The following CAPZB variants were observed in gnomAD, a reference collection of about 807,000 sequenced individuals.
The protein encoded by CAPZB is capping actin protein of muscle Z-line subunit beta, also known as F-actin-capping protein subunit beta.
In CAPZB, 2 loss-of-function variants were observed where a neutral mutation model predicts 38.1. The ratio of observed to expected loss-of-function variants is 0.05; its 90% CI spans 0.02 to 0.17. The LOEUF is 0.17. Among genes scored for constraint, CAPZB ranks in the 10% least tolerant of loss-of-function variants. The pLI is 1.00. For synonymous variants in CAPZB, 107 were observed against 127.4 expected, an observed-to-expected ratio of 0.84 and a Z score of 1.08; for missense variants, 161 against 334.2, an observed-to-expected ratio of 0.48 and a Z score of 4.04.
rs185248488 is a variant in CAPZB at position 19,422,662 on chromosome 1, G to A, written c.4-2912C>T. ...TGAGGCAGGAGAATGGCATGAACCC[G>A]GGAGGCAGAGCTTGCAGTGAGCCCA... On this transcript the variant is annotated intron_variant, in intron 1 of 8. Transcript: ENST00000264202. Among the ~76,000 whole-genome samples the A allele has an allele frequency of 6.3e-3, 951 of 151,960 alleles. 7 individuals carry two copies. Among genetic ancestry groups the A allele is most frequent in the African/African-American group, 0.021 (851 of 41,414 alleles).
rs151067889 is a variant in CAPZB, at chr1:19,365,597, G to A, written c.330-8034C>T. Among the ~76,000 whole-genome samples the A allele has an allele frequency of 2.0e-3, 297 of 152,110 alleles. 1 individual carries two copies. Among genetic ancestry groups the A allele is most frequent in the African/African-American group, 6.6e-3 (275 of 41,512 alleles). On this transcript the variant is annotated intron_variant, in intron 4 of 8. Transcript: ENST00000264202. ...TGTAATCCCAGCATTTAGGGAGGCC[G>A]AGACGGGCAGATCACCTGAGGTCAG...
intron 3 of CAPZB, among the ~76,000 whole-genome samples, chr1:19,382,058 T>G (rs1558206168): frequency 6.6e-6 from 1 of 152,030 alleles, no homozygotes; most frequent in Non-Finnish European, 1.5e-5. Context: ...CACAGTTCGA[T>G]GACAGCCATC....
intron 4 of CAPZB, among the ~76,000 whole-genome samples, chr1:19,358,414 A>G (rs2100324376): frequency 6.6e-6 from 1 of 152,372 alleles, no homozygotes; most frequent in East Asian, 1.9e-4. Context: ...CTGGGATTAC[A>G]GGCATGAGCC....
At chr1:19,343,739 C>T (rs1320107249) in intron 8 of CAPZB, among the ~76,000 whole-genome samples, 3 of 152,220 alleles carry the variant, frequency 2.0e-5, no homozygotes, top group African/African-American at 4.8e-5. Flanking sequence ...CAGAGAGCGC[C>T]CGGCTTTTGT....
In CAPZB at chr1:19,375,768, G is replaced by A. The variant is rs112482521; in HGVS notation, c.329+2772C>T. 3.3e-5 allele frequency among the ~76,000 whole-genome samples: 5 copies of A among 152,300 alleles called. No individual in the cohort carries two copies. In the East Asian group the frequency reaches 5.8e-4, roughly 18 times the overall value. On this transcript the variant is annotated intron_variant, in intron 4 of 8. Coordinates refer to ENST00000264202, the MANE Select transcript of CAPZB (RefSeq NM_004930.5). ...GAGTGAGGCCTTAGCTATGACTCCC[G>A]GCTCCTGTGGTTTTCTAGCTGTGTT...
At chr1:19,452,331 C>A (rs1032296844) in intron 1 of CAPZB, among the ~76,000 whole-genome samples, 8 of 152,232 alleles carry the variant, frequency 5.3e-5, no homozygotes, top group African/African-American at 1.9e-4. Flanking sequence ...TTGATCATTG[C>A]CCCCACTGGG....
At chr1:19,482,911 G>A (rs1014820872) in intron 1 of CAPZB, among the ~76,000 whole-genome samples, 12 of 152,236 alleles carry the variant, frequency 7.9e-5, no homozygotes, top group African/African-American at 2.9e-4. Context: ...TAAGCAGTCA[G>A]AAATTACAAG....
chr1:19,484,385 G>T, intron 1 of CAPZB: 1 of 1,534,176 alleles, frequency 6.5e-7, no homozygotes. Context: ...ACCCATCCTC[G>T]CCCCTCGGCT....
chr1:19,353,163 G>C (rs964939796), intron 6 of CAPZB, among the ~76,000 whole-genome samples: 1 of 152,238 alleles, frequency 6.6e-6, no homozygotes, highest in African/African-American at 2.4e-5. Flanking sequence ...GGACCCATGG[G>C]GCCTTGCTGA....
chr1:19,356,686 G>A lies in CAPZB; in HGVS notation c.537C>T (p.Thr179=), dbSNP rs2094022701. 6.2e-7 allele frequency: 1 copy of A among 1,613,906 alleles called. No homozygotes were observed. Among genetic ancestry groups the A allele is most frequent in the Admixed American group, 1.7e-5 (1 of 59,988 alleles). ...LTSTVMLWLQ[T]NKSGSGTMNL... ...TCATGGTGCCAGAGCCAGATTTGTTGGTCTGCAGCCACAGCATCACCGTGG... is the reference window on the plus strand; with the variant it reads ...TCATGGTGCCAGAGCCAGATTTGTTAGTCTGCAGCCACAGCATCACCGTGG... The change falls in exon 6 of 9, where the codon ACC becomes ACT. Residue 179 remains threonine, a synonymous_variant. Coordinates refer to ENST00000264202, the MANE Select transcript of CAPZB (RefSeq NM_004930.5). This position sits in a 1 kb window ranked among gnomAD's most constrained non-coding sequence, Gnocchi z 4.3.
intron 2 of CAPZB, among the ~76,000 whole-genome samples, chr1:19,406,546 G>T (rs1253305519): frequency 6.6e-6 from 1 of 152,144 alleles, no homozygotes; most frequent in Admixed American, 6.5e-5. Flanking sequence ...GCAGTGACAA[G>T]GAGAAAGCTA....
intron 2 of CAPZB, among the ~76,000 whole-genome samples, chr1:19,395,356 T>A (rs2094261272): frequency 6.6e-6 from 1 of 152,136 alleles, no homozygotes; most frequent in Non-Finnish European, 1.5e-5. Flanking sequence ...CAGGAAACGG[T>A]AAGTCCCCTC....
chr1:19,364,917 G>C (rs1198310177), intron 4 of CAPZB, among the ~76,000 whole-genome samples: 2 of 151,788 alleles, frequency 1.3e-5, no homozygotes, highest in Admixed American at 1.3e-4. Flanking sequence ...CATGACCATG[G>C]CTCATTGCAG....
chr1:19,427,353 G>A (rs11583187), intron 1 of CAPZB, among the ~76,000 whole-genome samples: 19,382 of 152,166 alleles, frequency 0.13, 1,346 homozygotes, highest in Admixed American at 0.2. Flanking sequence ...ACCTTCACTC[G>A]TTTACATTCC....
At chr1:19,467,151 G>A (rs1174151656) in intron 1 of CAPZB, among the ~76,000 whole-genome samples, 1 of 152,078 alleles carries the variant, frequency 6.6e-6, no homozygotes, top group Non-Finnish European at 1.5e-5. Flanking sequence ...GCCTCCCGAA[G>A]TGCTGAGATC....
chr1:19,372,223 C>G (rs1205213721), intron 4 of CAPZB, among the ~76,000 whole-genome samples: 2 of 152,238 alleles, frequency 1.3e-5, no homozygotes, highest in Non-Finnish European at 1.5e-5. Flanking sequence ...GCTTTGATTT[C>G]AATCAATTGC....
intron 6 of CAPZB, among the ~76,000 whole-genome samples, chr1:19,350,710 G>A (rs2093987000): frequency 6.6e-6 from 1 of 152,116 alleles, no homozygotes; most frequent in Non-Finnish European, 1.5e-5. Flanking sequence ...GGCCTCCCAG[G>A]TTCAGGCCAT....
At chr1:19,366,069 C>A (rs2094083046) in intron 4 of CAPZB, among the ~76,000 whole-genome samples, 1 of 151,926 alleles carries the variant, frequency 6.6e-6, no homozygotes, top group South Asian at 2.1e-4. Context: ...TCTTTCTTCT[C>A]CTACCCTATG....
chr1:19,430,834 G>C (rs2094439547), intron 1 of CAPZB, among the ~76,000 whole-genome samples: 1 of 152,058 alleles, frequency 6.6e-6, no homozygotes, highest in Admixed American at 6.5e-5. Flanking sequence ...ATATACAATG[G>C]GCTAACCTGA....
Sources: allele counts gnomAD v4.1 joint callset (sites outside exome capture counted in the v4.1 genomes callset), GRCh38; gene constraint gnomAD v4.1.1; non-coding constraint Gnocchi (gnomAD v3.1); transcripts MANE v1.5; gene names NCBI Gene and HGNC (gene_info 2026-07-23, HGNC 2026-07-21).